The following ANKRD13C variants were observed in gnomAD, a reference collection of about 807,000 sequenced individuals.
The protein encoded by ANKRD13C is ankyrin repeat domain 13C, also known as ankyrin repeat domain-containing protein 13C.
In ANKRD13C, 16 loss-of-function variants were observed where a neutral mutation model predicts 65.5. The observed-to-expected ratio is 0.24, with a 90% CI of 0.17 to 0.37. The LOEUF (loss-of-function observed/expected upper bound fraction) is 0.37, where lower values mean the gene tolerates loss of function less well. ANKRD13C is among the 10% of genes least tolerant of loss of function. The probability of loss-of-function intolerance (pLI) is 1.00; values close to 1 mark genes in which losing one functional copy is unlikely to be tolerated. For synonymous variants in ANKRD13C, 235 were observed against 238.7 expected (o/e 0.98, Z 0.14); for missense variants, 503 against 655.9 (o/e 0.77, Z 2.55).
intron 12 of ANKRD13C, among the ~76,000 whole-genome samples, chr1:70,265,335 T>C (rs180779466): frequency 1.5e-3 from 222 of 152,306 alleles, no homozygotes; most frequent in African/African-American, 5.1e-3. Flanking sequence ...TTGTCTCAGT[T>C]ATTCATTGAG....
At chr1:70,336,924 C>T (rs1206190722) in intron 1 of ANKRD13C, among the ~76,000 whole-genome samples, 3 of 152,212 alleles carry the variant, frequency 2.0e-5, no homozygotes, top group Admixed American at 6.5e-5. Flanking sequence ...CTAAGCCATA[C>T]TTATGATCTA....
chr1:70,323,362 A>C (rs1359022326), intron 3 of ANKRD13C, among the ~76,000 whole-genome samples: 2 of 152,148 alleles, frequency 1.3e-5, no homozygotes, highest in Non-Finnish European at 2.9e-5. Context: ...AGTTGTTTAT[A>C]GGCTGAGCAC....
At chr1:70,292,794 T>C (rs1014251314) in intron 8 of ANKRD13C, among the ~76,000 whole-genome samples, 3 of 152,116 alleles carry the variant, frequency 2.0e-5, no homozygotes, top group African/African-American at 4.8e-5. Flanking sequence ...TACATAAAAA[T>C]GTATGGTAGT....
At chr1:70,296,335 C>A in intron 7 of ANKRD13C, 74 bp from the exon 8 acceptor site, 3 of 1,424,736 alleles carry the variant, frequency 2.1e-6, no homozygotes, top group Non-Finnish European at 2.9e-6. Flanking sequence ...ATGAAAATAT[C>A]AACAATTATA....
At chr1:70,290,141 G>C (rs1679799159) in intron 9 of ANKRD13C, among the ~76,000 whole-genome samples, 1 of 150,354 alleles carries the variant, frequency 6.7e-6, no homozygotes, top group African/African-American at 2.4e-5. Context: ...CACTAAAGTG[G>C]CATGATCACA....
intron 3 of ANKRD13C, 93 bp from the exon 4 acceptor site, chr1:70,315,659 G>A (rs1681042175): frequency 1.1e-6 from 1 of 943,914 alleles, no homozygotes; most frequent in Non-Finnish European, 1.6e-6. Flanking sequence ...GATAATACAT[G>A]TACACATATA....
intron 1 of ANKRD13C, among the ~76,000 whole-genome samples, chr1:70,344,438 A>G (rs923833374): frequency 6.6e-6 from 1 of 151,512 alleles, no homozygotes; most frequent in Non-Finnish European, 1.5e-5. Flanking sequence ...CACTCCAGCC[A>G]GGATGACAAA....
At chr1:70,296,040 T>C in intron 8 of ANKRD13C, 90 bp downstream of exon 8, 1 of 1,466,504 alleles carries the variant, frequency 6.8e-7, no homozygotes, top group Non-Finnish European at 9.2e-7. Flanking sequence ...GACAATTCTG[T>C]AAGCTACTTC....
chr1:70,285,914 T>G (rs1439145027), intron 9 of ANKRD13C, among the ~76,000 whole-genome samples: 2 of 152,158 alleles, frequency 1.3e-5, no homozygotes, highest in Non-Finnish European at 2.9e-5. Context: ...TATACCTTTC[T>G]TAAAAAGCTT....
chr1:70,352,362 A>G (rs969669026), intron 1 of ANKRD13C, among the ~76,000 whole-genome samples: 2 of 151,572 alleles, frequency 1.3e-5, no homozygotes, highest in Non-Finnish European at 2.9e-5. Context: ...AAAAAAAAAA[A>G]AGTTAATTTC....
chr1:70,280,077 A>G (rs998223326), intron 9 of ANKRD13C, among the ~76,000 whole-genome samples: 1 of 152,212 alleles, frequency 6.6e-6, no homozygotes, highest in Non-Finnish European at 1.5e-5. Context: ...TCTGAGTAGC[A>G]GCCGAGGGAT....
intron 2 of ANKRD13C, 103 bp downstream of exon 2, chr1:70,335,954 TA>T: frequency 2.9e-6 from 1 of 347,910 alleles, no homozygotes; most frequent in Non-Finnish European, 5.2e-6. Flanking sequence ...AATTAACAGA[TA>T]AAATGAGTTT....
At chr1:70,336,279 A>G (rs1682019208) in intron 1 of ANKRD13C, among the ~76,000 whole-genome samples, 180 bp from the exon 2 acceptor site, 1 of 152,170 alleles carries the variant, frequency 6.6e-6, no homozygotes, top group Non-Finnish European at 1.5e-5. Context: ...ATGATTTCTG[A>G]GTACAATGTA....
chr1:70,331,250 T>C (rs1403062444), intron 2 of ANKRD13C, among the ~76,000 whole-genome samples: 1 of 151,912 alleles, frequency 6.6e-6, no homozygotes, highest in Non-Finnish European at 1.5e-5. Context: ...AATGATATAA[T>C]GTAAAAGCAA....
intron 10 of ANKRD13C, among the ~76,000 whole-genome samples, chr1:70,275,961 CAAAAAAA>C (rs1209279880): frequency 2.7e-5 from 1 of 37,248 alleles, no homozygotes; most frequent in African/African-American, 8.2e-5. Flanking sequence ...GACTCCATCT[CAAAAAAA>C]AAAAAAAAAA....
chr1:70,279,250 G>C (rs1012988983), intron 9 of ANKRD13C, among the ~76,000 whole-genome samples: 2 of 151,982 alleles, frequency 1.3e-5, no homozygotes, highest in African/African-American at 4.8e-5. Context: ...GCAGTAAATG[G>C]AGGAAAAGCT....
rs1289329336 is a variant in ANKRD13C at position 70,262,503 on chromosome 1, T to C, written c.*214A>G. ...ATGTGTCAAACTATTACATTTATAA[T>C]ATGTATATTTTTAAAAAGACAAAAA... On this transcript the variant is annotated 3_prime_UTR_variant, in exon 13 of 13. Transcript: ENST00000370944. 4 of 345,352 alleles carry C rather than the reference T, an allele frequency of 1.2e-5. No individual in the cohort carries two copies. Among genetic ancestry groups the C allele is most frequent in the Non-Finnish European group, 1.6e-5 (3 of 189,300 alleles). 21.4% of individuals were successfully genotyped at this position (345,352 alleles called of 1,614,324 possible). A position where few individuals can be genotyped will look rare whatever the true frequency, so the allele number is the denominator to read the frequency against.
In ANKRD13C at chr1:70,342,739, AACACAC is replaced by A. The variant is rs373447795; in HGVS notation, c.431-6646_431-6641del. Among the ~76,000 whole-genome samples the A allele has an allele frequency of 2.6e-3, 304 of 115,354 alleles. No homozygotes were observed. The Middle Eastern group carries it at 0.027, about 10-fold the overall frequency. 75.7% of individuals were successfully genotyped at this position (115,354 alleles called of 152,430 possible). A position where few individuals can be genotyped will look rare whatever the true frequency, so the allele number is the denominator to read the frequency against. ...AAAGAAAGAAACACACACACACAAT[AACACAC>A]ACACACACACACACACACACACACA... On this transcript the variant is annotated intron_variant, in intron 1 of 12. Coordinates refer to ENST00000370944, the MANE Select transcript of ANKRD13C (RefSeq NM_030816.5).
chr1:70,276,000 T>G (rs1165096057), intron 10 of ANKRD13C, among the ~76,000 whole-genome samples: 1 of 144,408 alleles, frequency 6.9e-6, no homozygotes, highest in African/African-American at 2.6e-5. Flanking sequence ...AATATTAAGA[T>G]GGAAACATCT....
Sources: gnomAD v4.1 joint callset for allele counts (sites outside exome capture counted in the v4.1 genomes callset) on GRCh38, gnomAD v4.1.1 for gene constraint, MANE v1.5 for transcripts, NCBI Gene and HGNC (gene_info 2026-07-23, HGNC 2026-07-21) for gene names.